Variants in MILR1 observed in about 807,000 individuals in gnomAD.
MILR1 encodes allergin-1.
Under a neutral mutation model 18.5 loss-of-function variants are expected in MILR1, and 31 were observed. The observed-to-expected ratio is 1.68, with a 90% CI of 1.26 to 2.26. MILR1 has a LOEUF of 2.26. MILR1 is among the 30% of genes most tolerant of loss of function. The probability of loss-of-function intolerance (pLI) is 0.00; values close to 1 mark genes in which losing one functional copy is unlikely to be tolerated. For synonymous variants in MILR1, 85 were observed against 56.2 expected, an observed-to-expected ratio of 1.51 and a Z score of -2.30; for missense variants, 257 against 157.4, an observed-to-expected ratio of 1.63 and a Z score of -3.38.
At chr17:64,465,867 G>A (rs567937566) in intron 6 of MILR1, among the ~76,000 whole-genome samples, 1 of 152,168 alleles carries the variant, frequency 6.6e-6, no homozygotes, top group South Asian at 2.1e-4. Flanking sequence ...GTGTTTCACA[G>A]TCTTTCACGG....
At chr17:64,479,374 G>A in the MILR1 span, among the ~76,000 whole-genome samples, 826 of 151,846 alleles carry the variant, frequency 5.4e-3, 10 homozygotes, top group Non-Finnish European at 3.9e-3. Context: ...TAGTAGAGAC[G>A]GGGTTTTGCT....
chr17:64,453,462 A>G (rs2144012580), intron 3 of MILR1, among the ~76,000 whole-genome samples: 1 of 151,308 alleles, frequency 6.6e-6, no homozygotes, highest in South Asian at 2.1e-4. Context: ...CAAAAGTCTT[A>G]TATCTCAACA....
intron 5 of MILR1, among the ~76,000 whole-genome samples, chr17:64,461,854 G>A (rs1224918786): frequency 1.3e-5 from 2 of 152,090 alleles, no homozygotes; most frequent in African/African-American, 4.8e-5. Flanking sequence ...TCATGGAAGT[G>A]GAAGCATTTA....
chr17:64,461,998 T>C (rs2037442171), intron 5 of MILR1, among the ~76,000 whole-genome samples: 1 of 152,220 alleles, frequency 6.6e-6, no homozygotes, highest in African/African-American at 2.4e-5. Flanking sequence ...ACACTTTGTT[T>C]ATCCATTTAT....
chr17:64,453,209 C>T (rs2037213862), intron 3 of MILR1, among the ~76,000 whole-genome samples: 1 of 151,868 alleles, frequency 6.6e-6, no homozygotes, highest in African/African-American at 2.4e-5. Flanking sequence ...GCTGGGATTA[C>T]AGGCACCCAT....
the MILR1 span, among the ~76,000 whole-genome samples, chr17:64,479,188 T>G: frequency 2.0e-5 from 3 of 150,570 alleles, no homozygotes; most frequent in South Asian, 2.1e-4. Flanking sequence ...AAGGTGTTTT[T>G]TTTTTTTTTT....
chr17:64,482,893 A>C, the MILR1 span: 3 of 1,255,486 alleles, frequency 2.4e-6, no homozygotes, highest in Non-Finnish European at 3.5e-6. Flanking sequence ...TGTAATTAAA[A>C]TGACATTTAA....
chr17:64,478,048 C>T, the MILR1 span: 31 of 1,561,098 alleles, frequency 2.0e-5, no homozygotes, highest in Admixed American at 5.0e-5. Context: ...AATTCCTCCA[C>T]GTTGCCAGCT....
At chr17:64,497,004 C>T in the MILR1 span, 4 of 1,573,118 alleles carry the variant, frequency 2.5e-6, no homozygotes, top group Admixed American at 1.7e-5. Context: ...TCTCCCATCA[C>T]TCAACGGATC....
chr17:64,460,810 GTCT>G lies in MILR1; in HGVS notation c.653-6_653-4del. The G allele has an allele frequency of 2.1e-6, 1 of 474,876 alleles. No individual in the cohort carries two copies. Among genetic ancestry groups the G allele is most frequent in the South Asian group, 6.7e-5 (1 of 14,868 alleles). The allele number at this position is 474,876 out of a possible 1,614,324, so 29.4% of individuals were successfully genotyped here. A position where few individuals can be genotyped will look rare whatever the true frequency, so the allele number is the denominator to read the frequency against. ...AATGCTATGGTCACCAATGGATGCG[GTCT>G]TCTTCCAGGCGGAGACAGCTGTCCT... is the stretch of plus-strand genomic sequence containing the variant. On this transcript the variant is annotated splice_polypyrimidine_tract_variant and intron_variant, in intron 4 of 9. Coordinates refer to ENST00000619286, the MANE Select transcript of MILR1 (RefSeq NM_001085423.2).
the MILR1 span, among the ~76,000 whole-genome samples, chr17:64,495,763 C>T: frequency 1.3e-5 from 2 of 151,850 alleles, no homozygotes; most frequent in Non-Finnish European, 2.9e-5. Flanking sequence ...AGCTGGAGTG[C>T]AGTGGCGTGA....
intron 8 of MILR1, among the ~76,000 whole-genome samples, chr17:64,466,993 GTC>G (rs1159352778): frequency 6.7e-6 from 1 of 148,868 alleles, no homozygotes; most frequent in Non-Finnish European, 1.5e-5. Flanking sequence ...TTCTCTTTCT[GTC>G]TCTCTTTATT....
chr17:64,491,606 C>T, the MILR1 span: 2 of 1,539,318 alleles, frequency 1.3e-6, no homozygotes, highest in South Asian at 2.2e-5. Context: ...TGATGTGGGA[C>T]TTCAGCCCTA....
chr17:64,491,939 C>CA, the MILR1 span: 870 of 144,914 alleles, frequency 6.0e-3, 3 homozygotes, highest in Admixed American at 8.9e-3. Flanking sequence ...AAAAAAAAAA[C>CA]AAAAAAAAAA....
chr17:64,492,895 C>A, the MILR1 span: 1 of 1,614,044 alleles, frequency 6.2e-7, no homozygotes, highest in Non-Finnish European at 8.5e-7. Flanking sequence ...CTTTTTATAC[C>A]TTTTAACACC....
downstream of MILR1, chr17:64,468,704 A>T: frequency 1.0e-6 from 1 of 964,970 alleles, no homozygotes; most frequent in Non-Finnish European, 1.3e-6. Flanking sequence ...CATCTCCATG[A>T]TCTTTTCCAC....
At chr17:64,465,896 A>G (rs370444668) in intron 6 of MILR1, among the ~76,000 whole-genome samples, 7 of 152,118 alleles carry the variant, frequency 4.6e-5, no homozygotes, top group African/African-American at 1.7e-4. Context: ...CAAAGCAGGC[A>G]TTGCATATTG....
chr17:64,496,691 C>A, the MILR1 span: 5 of 1,614,088 alleles, frequency 3.1e-6, no homozygotes, highest in Admixed American at 1.7e-5. Flanking sequence ...GTGGCACCCA[C>A]TCAGAAGAGA....
intron 9 of MILR1, 170 bp downstream of exon 9, chr17:64,467,815 G>A (rs56190732): frequency 3.7e-4 from 170 of 458,940 alleles, no homozygotes; most frequent in Non-Finnish European, 6.1e-4. Context: ...TGTGTGTGTA[G>A]TCCCAGCTAC....
Sources: allele counts gnomAD v4.1 joint callset (sites outside exome capture counted in the v4.1 genomes callset), GRCh38; gene constraint gnomAD v4.1.1; transcripts MANE v1.5; gene names NCBI Gene and HGNC (gene_info 2026-07-23, HGNC 2026-07-21).